The following PRPF31 variants were observed in gnomAD, a reference collection of about 807,000 sequenced individuals.
PRPF31 encodes the protein U4/U6 small nuclear ribonucleoprotein Prp31.
In PRPF31, 12 loss-of-function variants were observed where a neutral mutation model predicts 60.4. The observed-to-expected ratio is 0.20, with a 90% CI of 0.13 to 0.32. The LOEUF is 0.32. Ranked by LOEUF, PRPF31 falls within the 10% of genes least tolerant of loss-of-function variation. The pLI is 1.00. For synonymous variants in PRPF31, 287 were observed against 287.9 expected (o/e 1.00, Z 0.03); for missense variants, 431 against 687.1 (o/e 0.63, Z 4.17).
chr19:54,117,893 G>C (rs769829529), intron 1 of PRPF31, among the ~76,000 whole-genome samples: 4 of 152,010 alleles, frequency 2.6e-5, no homozygotes, highest in Non-Finnish European at 5.9e-5. Context: ...GAACTTCTAA[G>C]TAAGCACATA....
intron 6 of PRPF31, 78 bp downstream of exon 6, chr19:54,123,638 A>ACG: frequency 6.3e-7 from 1 of 1,597,168 alleles, no homozygotes; most frequent in Admixed American, 1.7e-5. Context: ...AGGTGTACAC[A>ACG]CGCACACACA....
intron 9 of PRPF31, among the ~76,000 whole-genome samples, chr19:54,127,000 A>T (rs587609480): frequency 1.3e-5 from 2 of 152,266 alleles, no homozygotes; most frequent in South Asian, 4.1e-4. Context: ...CGCACCTGTA[A>T]TCCCAGTTAC....
chr19:54,129,100 G>T lies in PRPF31; in HGVS notation c.1190G>T (p.Gly397Val), dbSNP rs1294280439. The change falls in exon 12 of 14, where the codon GGC becomes GTC. Residue 397 changes from glycine to valine, a missense_variant. Physicochemically the swap from Gly to Val is moderately radical, Grantham distance 109. Around this residue, in one of 4 missense-constraint regions of PRPF31, gnomAD observed 314 missense variants for 475.3 expected, o/e 0.66. Transcript: ENST00000321030. Reference sequence around the variant, plus strand: ...CAGGAGGACCTGGGATTCAGCCTGGGCCACCTGGGCAAGTCGGGCAGTGGG... The same window carrying T: ...CAGGAGGACCTGGGATTCAGCCTGGTCCACCTGGGCAAGTCGGGCAGTGGG... ...AYQEDLGFSL[G>V]HLGKSGSGRV... 2.5e-6 allele frequency: 4 copies of T among 1,580,586 alleles called. No individual in the cohort carries two copies. The highest frequency in any genetic ancestry group is 3.4e-6 in the Non-Finnish European group (4 of 1,164,290).
chr19:54,127,943 G>A, intron 9 of PRPF31, 130 bp from the exon 10 acceptor site: 2 of 1,269,970 alleles, frequency 1.6e-6, no homozygotes, highest in Non-Finnish European at 2.2e-6. Context: ...AAAAGAAAGG[G>A]GGTGGCGGTG....
chr19:54,124,019 A>G, intron 7 of PRPF31, 101 bp downstream of exon 7: 1 of 1,565,500 alleles, frequency 6.4e-7, no homozygotes, highest in African/African-American at 1.3e-5. Context: ...TGGCACCTGG[A>G]CCTCAGCACC....
chr19:54,131,690 A>C lies in PRPF31; in HGVS notation c.*258A>C, dbSNP rs1327301412. 2 of 584,972 alleles carry C rather than the reference A, an allele frequency of 3.4e-6. No homozygotes were observed. Among genetic ancestry groups the C allele is most frequent in the Non-Finnish European group, 6.1e-6 (2 of 328,428 alleles). 36.2% of individuals were successfully genotyped at this position (584,972 alleles called of 1,614,324 possible). On this transcript the variant is annotated 3_prime_UTR_variant, in exon 14 of 14. Transcript: ENST00000321030. ...AGAAAGGAGATTTTTTGAAAAGAGT[A>C]CAATTAAAAGGACATTGTCAAGATC...
intron 9 of PRPF31, 71 bp from the exon 10 acceptor site, chr19:54,128,002 G>A (rs1163711908): frequency 7.0e-5 from 108 of 1,546,190 alleles, no homozygotes; most frequent in Non-Finnish European, 3.8e-5. Context: ...TACTCGGGGG[G>A]CCCGCTCAGA....
chr19:54,122,794 C>T (rs1400586842), intron 5 of PRPF31, 200 bp downstream of exon 5: 2 of 656,926 alleles, frequency 3.0e-6, no homozygotes, highest in Non-Finnish European at 5.5e-6. Flanking sequence ...CCCAGTCTCC[C>T]GAGAGGGCTT....
intron 8 of PRPF31, 103 bp downstream of exon 8, chr19:54,124,759 G>A (rs2073879907): frequency 7.4e-7 from 1 of 1,356,526 alleles, no homozygotes; most frequent in Admixed American, 1.7e-5. Flanking sequence ...GCTGACGGTA[G>A]CACTCAGGAG....
At chr19:54,127,510 T>A (rs1197679653) in intron 9 of PRPF31, among the ~76,000 whole-genome samples, 1 of 150,586 alleles carries the variant, frequency 6.6e-6, no homozygotes, top group African/African-American at 2.5e-5. Context: ...TCACGTCCCT[T>A]TTGCCCTGTG....
At chr19:54,130,457 C>T (rs1463572455) in intron 13 of PRPF31, among the ~76,000 whole-genome samples, 3 of 152,264 alleles carry the variant, frequency 2.0e-5, no homozygotes, top group African/African-American at 7.2e-5. Context: ...AACCCCGTCT[C>T]TACTAAAAAT....
intron 13 of PRPF31, among the ~76,000 whole-genome samples, 183 bp downstream of exon 13, chr19:54,129,553 A>T (rs587691981): frequency 6.7e-6 from 1 of 148,320 alleles, no homozygotes; most frequent in African/African-American, 2.5e-5. Flanking sequence ...CAGAGACGAG[A>T]GCCCAGCGCT....
At chr19:54,127,551 G>A (rs1479698317) in intron 9 of PRPF31, among the ~76,000 whole-genome samples, 2 of 152,138 alleles carry the variant, frequency 1.3e-5, no homozygotes, top group African/African-American at 2.4e-5. Flanking sequence ...GGCCTCTTTG[G>A]GCATGTGTGT....
rs1267458756 is a variant in PRPF31 at position 54,118,150 on chromosome 19, C to G, written c.-8-121C>G. On this transcript the variant is annotated intron_variant, in intron 1 of 13. Coordinates refer to ENST00000321030, the MANE Select transcript of PRPF31 (RefSeq NM_015629.4). ...AACTAAAGCACCTGTTGTCGTGGAG[C>G]CTGCATGCTAGTGGGGTTGATAAAG... The G allele has an allele frequency of 3.6e-6, 5 of 1,374,934 alleles. No homozygotes were observed. In the East Asian group the frequency reaches 6.9e-5, roughly 19 times the overall value. 85.2% of individuals were successfully genotyped at this position (1,374,934 alleles called of 1,614,324 possible).
At chr19:54,126,782 A>C (rs1398620840) in intron 9 of PRPF31, among the ~76,000 whole-genome samples, 165 bp downstream of exon 9, 1 of 152,146 alleles carries the variant, frequency 6.6e-6, no homozygotes, top group Admixed American at 6.5e-5. Flanking sequence ...CCCCTTCCCC[A>C]GTGGGGTTTC....
At chr19:54,118,690 T>C in intron 3 of PRPF31, 57 bp downstream of exon 3, 3 of 1,557,764 alleles carry the variant, frequency 1.9e-6, no homozygotes, top group Non-Finnish European at 2.7e-6. Context: ...CCAGGCCCCC[T>C]GGCTCCCTGG....
intron 7 of PRPF31, 150 bp downstream of exon 7, chr19:54,124,068 A>T: frequency 6.8e-7 from 1 of 1,463,382 alleles, no homozygotes; most frequent in Non-Finnish European, 9.1e-7. Context: ...CCAGCCTGGC[A>T]CACAGCAAAG....
At position 54,131,651 on chromosome 19, in the gene PRPF31, G is replaced by A. The variant is rs2074050801; in HGVS notation, c.*219G>A. 3.1e-6 allele frequency: 2 copies of A among 637,664 alleles called. No individual in the cohort carries two copies. The highest frequency in any genetic ancestry group is 5.4e-6 in the Non-Finnish European group (2 of 367,204). The allele number at this position is 637,664 out of a possible 1,614,324, so 39.5% of individuals were successfully genotyped here. A position where few individuals can be genotyped will look rare whatever the true frequency, so the allele number is the denominator to read the frequency against. ...CTAGAGCAGGTCTTCATCATGCCTT[G>A]TCTTTTTTAACTGAGAAAGGAGATT... On this transcript the variant is annotated 3_prime_UTR_variant, in exon 14 of 14. Coordinates refer to ENST00000321030, the MANE Select transcript of PRPF31 (RefSeq NM_015629.4).
chr19:54,120,160 G>C (rs371855117), intron 3 of PRPF31: 1 of 152,356 alleles, frequency 6.6e-6, no homozygotes. Flanking sequence ...GAAAGACAGC[G>C]GCAGGCCCGG....
Sources: gnomAD v4.1 joint callset for allele counts (sites outside exome capture counted in the v4.1 genomes callset) on GRCh38, gnomAD v4.1.1 for gene constraint, gnomAD v4.1.1 regional missense constraint, MANE v1.5 for transcripts, NCBI Gene and HGNC (gene_info 2026-07-23, HGNC 2026-07-21) for gene names.